GRIA3: variants seen among roughly 807,000 people sequenced by gnomAD.
The protein encoded by GRIA3 is glutamate receptor 3.
GRIA3 carries 3 observed loss-of-function variants against 63.0 expected under a neutral mutation model. The ratio of observed to expected loss-of-function variants is 0.05; its 90% CI spans 0.02 to 0.12. The LOEUF is 0.12. Ranked by LOEUF, GRIA3 falls within the 10% of genes least tolerant of loss-of-function variation. The probability of loss-of-function intolerance (pLI) is 1.00; values close to 1 mark genes in which losing one functional copy is unlikely to be tolerated. For synonymous variants in GRIA3, 274 were observed against 257.9 expected (o/e 1.06, Z -0.60); for missense variants, 347 against 700.9 (o/e 0.50, Z 5.70).
intron 2 of GRIA3, among the ~76,000 whole-genome samples, chrX:123,220,457 C>T (rs764720103): frequency 2.7e-5 from 3 of 111,976 alleles, no homozygotes; most frequent in African/African-American, 6.5e-5. Context: ...AATTTGTGGT[C>T]GCCTTGTGAT....
At chrX:123,337,400 A>C (rs2044981203) in intron 4 of GRIA3, among the ~76,000 whole-genome samples, 1 of 112,161 alleles carries the variant, frequency 8.9e-6, no homozygotes, top group African/African-American at 3.2e-5. Flanking sequence ...AGCAGAAATC[A>C]TAGCTCTAGG....
rs191409149 is a variant in GRIA3, at chrX:123,303,739, T to A, written c.509-22287T>A. 5.4e-5 allele frequency among the ~76,000 whole-genome samples: 6 copies of A among 110,889 alleles called. No homozygotes were observed. In the East Asian group the frequency reaches 1.7e-3, roughly 32 times the overall value. On this transcript the variant is annotated intron_variant, in intron 3 of 15. Coordinates refer to ENST00000620443, the MANE Select transcript of GRIA3 (RefSeq NM_007325.5). ...AGACACTTCTTCTGTGAGGAGGATC[T>A]CCCATTAGCCCCCAAAGCCCCACTT...
intron 2 of GRIA3, among the ~76,000 whole-genome samples, chrX:123,205,905 C>T (rs1235462060): frequency 1.8e-5 from 2 of 111,687 alleles, no homozygotes; most frequent in Non-Finnish European, 3.8e-5. Context: ...TTTAAATTCT[C>T]TACACACTAC....
rs1365072504 is a variant in GRIA3, at chrX:123,253,286, T to A, written c.269-17T>A. 8.3e-7 allele frequency: 1 copy of A among 1,209,234 alleles called. No homozygotes were observed. The highest frequency in any genetic ancestry group is 2.2e-5 in the Admixed American group (1 of 46,058). On this transcript the variant is annotated splice_polypyrimidine_tract_variant and intron_variant, in intron 2 of 15. Coordinates refer to ENST00000620443, the MANE Select transcript of GRIA3 (RefSeq NM_007325.5). ...ACCATGGAGCTATTGAATCTTTTTCTCTTTTTCTCATTGCAGTCTGCTCCC... is the reference window on the plus strand; with the variant it reads ...ACCATGGAGCTATTGAATCTTTTTCACTTTTTCTCATTGCAGTCTGCTCCC...
In GRIA3 at chrX:123,257,467, AGAAG is replaced by A. The variant is rs1277261910; in HGVS notation, c.508+3943_508+3946del. ...AAGATAGGAAGGGAAGAGAAAGAAG[AGAAG>A]GAAGGAAGGAAGGAAGGGAGGAAGG... is the stretch of plus-strand genomic sequence containing the variant. On this transcript the variant is annotated intron_variant, in intron 3 of 15. Transcript: ENST00000620443. 2.3e-3 allele frequency among the ~76,000 whole-genome samples: 234 copies of A among 100,257 alleles called. 1 individual carries two copies. The highest frequency in any genetic ancestry group is 3.7e-3 in the Non-Finnish European group (183 of 49,475). 87.1% of individuals were successfully genotyped at this position (100,257 alleles called of 115,157 possible).
intron 5 of GRIA3, among the ~76,000 whole-genome samples, chrX:123,373,435 C>A (rs1028192463): frequency 9.0e-6 from 1 of 111,708 alleles, no homozygotes; most frequent in Admixed American, 9.5e-5. Context: ...CCTGAGGAAT[C>A]GCCACTGTCT....
chrX:123,481,181 T>C (rs2045910968), intron 14 of GRIA3, among the ~76,000 whole-genome samples: 1 of 111,908 alleles, frequency 8.9e-6, no homozygotes, highest in Non-Finnish European at 1.9e-5. Context: ...CATATACATA[T>C]AAAAGTCTAA....
intron 4 of GRIA3, among the ~76,000 whole-genome samples, chrX:123,340,640 T>C (rs2045002841): frequency 8.9e-6 from 1 of 112,578 alleles, no homozygotes; most frequent in Non-Finnish European, 1.9e-5. Context: ...TAGTAAGTAC[T>C]AAATAAATAT....
intron 12 of GRIA3, among the ~76,000 whole-genome samples, chrX:123,463,602 GGGAGGGAGGGAAAGAAAGAA>G (rs1569440781): frequency 2.7e-4 from 9 of 32,835 alleles, no homozygotes; most frequent in Non-Finnish European, 4.0e-4. Context: ...GAGGGAGGGA[GGGAGGGAGGGAAAGAAAGAA>G]AGAAAGAAAG....
At chrX:123,332,530 C>A (rs1024786021) in intron 4 of GRIA3, among the ~76,000 whole-genome samples, 6 of 111,012 alleles carry the variant, frequency 5.4e-5, no homozygotes, top group African/African-American at 2.0e-4. Context: ...GAACTTGAAC[C>A]AGGGAAGTTG....
chrX:123,289,587 G>C (rs1384171281), intron 3 of GRIA3, among the ~76,000 whole-genome samples: 5 of 109,998 alleles, frequency 4.5e-5, no homozygotes, highest in Non-Finnish European at 9.5e-5. Context: ...AGTGAAATTG[G>C]AGAATCCCTA....
At chrX:123,454,216 T>A (rs112708418) in intron 12 of GRIA3, among the ~76,000 whole-genome samples, 3,134 of 110,592 alleles carry the variant, frequency 0.028, 36 homozygotes, top group Middle Eastern at 0.056. Context: ...TAGTGTACTG[T>A]TTGAGAGCAG....
Position 123,317,737 on chromosome X carries a change from C to A in GRIA3, c.509-8289C>A, listed in dbSNP as rs147671273. Among the ~76,000 whole-genome samples, 1,064 of 111,838 alleles carry A rather than the reference C, an allele frequency of 9.5e-3. 11 individuals are homozygous for A. The highest frequency in any genetic ancestry group is 0.033 in the African/African-American group (1,016 of 30,737). On this transcript the variant is annotated intron_variant, in intron 3 of 15. Coordinates refer to ENST00000620443, the MANE Select transcript of GRIA3 (RefSeq NM_007325.5). Reference sequence around the variant, plus strand: ...TTCATGGGCTAGTGTTGAGTGTCTGCGGCTTTTCCAGGTGCACGGTGCAAG... The same window carrying A: ...TTCATGGGCTAGTGTTGAGTGTCTGAGGCTTTTCCAGGTGCACGGTGCAAG...
At chrX:123,232,249 A>C (rs1037687561) in intron 2 of GRIA3, among the ~76,000 whole-genome samples, 1 of 111,573 alleles carries the variant, frequency 9.0e-6, no homozygotes, top group East Asian at 2.8e-4. Context: ...CAAGCAACTA[A>C]AACTATGTAG....
chrX:123,479,777 C>T (rs1374918646), intron 13 of GRIA3, among the ~76,000 whole-genome samples: 1 of 112,025 alleles, frequency 8.9e-6, no homozygotes, highest in East Asian at 2.8e-4. Flanking sequence ...GAGGGGAGAC[C>T]CTCCTCACCA....
chrX:123,486,996 A>G (rs1328037373), intron 15 of GRIA3, among the ~76,000 whole-genome samples: 3 of 112,082 alleles, frequency 2.7e-5, no homozygotes, highest in Non-Finnish European at 3.8e-5. Flanking sequence ...CTCATTTTCT[A>G]TGGGTGATAG....
chrX:123,423,911 C>A (rs2045576624), intron 11 of GRIA3, among the ~76,000 whole-genome samples: 1 of 111,561 alleles, frequency 9.0e-6, no homozygotes, highest in Non-Finnish European at 1.9e-5. Context: ...ATAACAAGAG[C>A]ATTGTATATT....
intron 4 of GRIA3, among the ~76,000 whole-genome samples, chrX:123,350,704 CTA>C (rs2045088884): frequency 8.9e-6 from 1 of 112,126 alleles, no homozygotes; most frequent in East Asian, 2.8e-4. Context: ...AATGGGTTGA[CTA>C]TGATTCACTA....
intron 5 of GRIA3, among the ~76,000 whole-genome samples, chrX:123,389,855 G>A (rs781421033): frequency 3.6e-5 from 4 of 110,016 alleles, no homozygotes; most frequent in African/African-American, 3.3e-5. Flanking sequence ...ACAGACACCC[G>A]CCACCACGCC....
Sources: gnomAD v4.1 joint callset for allele counts (sites outside exome capture counted in the v4.1 genomes callset) on GRCh38, gnomAD v4.1.1 for gene constraint, MANE v1.5 for transcripts, NCBI Gene and HGNC (gene_info 2026-07-23, HGNC 2026-07-21) for gene names.